Variants in NRXN1 observed in about 807,000 individuals in gnomAD.
NRXN1 encodes the protein neurexin-1.
In NRXN1, 39 loss-of-function variants were observed where a neutral mutation model predicts 150.9. The observed-to-expected ratio is 0.26, with a 90% CI of 0.20 to 0.34. The LOEUF is 0.34. NRXN1 is among the 10% of genes least tolerant of loss of function. The probability of loss-of-function intolerance (pLI) is 1.00; values close to 1 mark genes in which losing one functional copy is unlikely to be tolerated. For synonymous variants in NRXN1, 924 were observed against 757.0 expected (o/e 1.22, Z -3.62); for missense variants, 1,815 against 1,949.9 (o/e 0.93, Z 1.30).
At chr2:50,203,708 G>C (rs1276619563) in intron 18 of NRXN1, among the ~76,000 whole-genome samples, 1 of 152,102 alleles carries the variant, frequency 6.6e-6, no homozygotes, top group Non-Finnish European at 1.5e-5. Flanking sequence ...GAAAAGAGAA[G>C]ACATATGCCC....
intron 15 of NRXN1, among the ~76,000 whole-genome samples, chr2:50,479,187 A>G (rs1169634235): frequency 6.6e-6 from 1 of 152,222 alleles, no homozygotes; most frequent in Non-Finnish European, 1.5e-5. Context: ...GATTGAAATA[A>G]TATCTATCTT....
chr2:50,468,916 T>C (rs1330688642), intron 16 of NRXN1, among the ~76,000 whole-genome samples: 1 of 151,642 alleles, frequency 6.6e-6, no homozygotes, highest in Admixed American at 6.6e-5. Context: ...GTAGATATAA[T>C]GGAGCCTAGA....
chr2:49,963,907 C>T (rs1194938876), intron 21 of NRXN1, among the ~76,000 whole-genome samples: 1 of 152,150 alleles, frequency 6.6e-6, no homozygotes, highest in African/African-American at 2.4e-5. Flanking sequence ...CTGAATCGGT[C>T]ATATGTCCCA....
intron 2 of NRXN1, among the ~76,000 whole-genome samples, chr2:50,982,744 T>A (rs1697030750): frequency 6.6e-6 from 1 of 152,080 alleles, no homozygotes; most frequent in Non-Finnish European, 1.5e-5. Context: ...AAGAAATGTC[T>A]CAATAGTTTG....
chr2:51,026,144 G>A (rs1014936457), intron 2 of NRXN1, among the ~76,000 whole-genome samples: 4 of 152,178 alleles, frequency 2.6e-5, no homozygotes, highest in African/African-American at 9.7e-5. Flanking sequence ...CCTTAGCACT[G>A]TCAGCAAAAA....
chr2:50,700,517 T>G (rs1446693034), intron 5 of NRXN1, among the ~76,000 whole-genome samples: 1 of 152,212 alleles, frequency 6.6e-6, no homozygotes, highest in Non-Finnish European at 1.5e-5. Context: ...AAACCATCTA[T>G]TTGATGATAT....
At chr2:50,190,285 G>A (rs1574409055) in intron 18 of NRXN1, among the ~76,000 whole-genome samples, 1 of 152,008 alleles carries the variant, frequency 6.6e-6, no homozygotes, top group South Asian at 2.1e-4. Context: ...TTTTCTTAAA[G>A]TGGAGGTACA....
At chr2:50,045,969 T>C (rs944658018) in intron 21 of NRXN1, among the ~76,000 whole-genome samples, 6 of 152,202 alleles carry the variant, frequency 3.9e-5, no homozygotes, top group East Asian at 1.9e-4. Flanking sequence ...AAAATTAGTA[T>C]ATAATGAATT....
chr2:50,542,555 T>C (rs9789589), intron 9 of NRXN1, among the ~76,000 whole-genome samples: 45,672 of 152,062 alleles, frequency 0.3, 7,359 homozygotes, highest in East Asian at 0.51. Context: ...CTAATTCGTA[T>C]GAACTTGTAT....
intron 21 of NRXN1, among the ~76,000 whole-genome samples, chr2:50,003,483 C>G (rs1422346598): frequency 6.6e-6 from 1 of 151,948 alleles, no homozygotes; most frequent in African/African-American, 2.4e-5. Flanking sequence ...AATATTTATT[C>G]TCAATTCCTG....
At chr2:50,931,741 A>G (rs969557204) in intron 2 of NRXN1, among the ~76,000 whole-genome samples, 2 of 152,140 alleles carry the variant, frequency 1.3e-5, no homozygotes, top group African/African-American at 4.8e-5. Context: ...TTATGACTAA[A>G]TTAATTTCAA....
At chr2:50,686,997 CT>C (rs1467011449) in intron 5 of NRXN1, among the ~76,000 whole-genome samples, 2 of 152,170 alleles carry the variant, frequency 1.3e-5, no homozygotes, top group Non-Finnish European at 2.9e-5. Context: ...TATTCCTTTG[CT>C]GACTTATCAA....
chr2:49,999,632 C>T (rs1354726385), intron 21 of NRXN1, among the ~76,000 whole-genome samples: 1 of 152,088 alleles, frequency 6.6e-6, no homozygotes, highest in Non-Finnish European at 1.5e-5. Context: ...GTATAAATTT[C>T]AAATTAACTG....
At chr2:50,238,054 C>G (rs2065640547) in intron 17 of NRXN1, among the ~76,000 whole-genome samples, 1 of 152,070 alleles carries the variant, frequency 6.6e-6, no homozygotes, top group Non-Finnish European at 1.5e-5. Flanking sequence ...CCTCCTCAGC[C>G]ACACAGAACT....
chr2:50,416,765 AACTC>A (rs139471095), intron 17 of NRXN1, among the ~76,000 whole-genome samples: 3,352 of 152,092 alleles, frequency 0.022, 113 homozygotes, highest in African/African-American at 0.076. Flanking sequence ...ATCGTGTGAG[AACTC>A]ACTCACTATC....
chr2:50,447,737 TTATATATATATATATATA>T (rs70948710), intron 17 of NRXN1, among the ~76,000 whole-genome samples: 16 of 37,932 alleles, frequency 4.2e-4, no homozygotes, highest in East Asian at 2.1e-3. Context: ...CAGGGGAACG[TTATATATATATATATATA>T]TATATATATA....
chr2:50,506,407 G>C, intron 13 of NRXN1, 88 bp downstream of exon 13: 1 of 1,220,248 alleles, frequency 8.2e-7, no homozygotes, highest in Non-Finnish European at 1.1e-6. Flanking sequence ...TTCAAGTTGT[G>C]TACCAGCCTT....
intron 21 of NRXN1, among the ~76,000 whole-genome samples, chr2:49,972,514 T>C (rs1444408178): frequency 6.6e-6 from 1 of 152,206 alleles, no homozygotes; most frequent in Non-Finnish European, 1.5e-5. Flanking sequence ...GCTTGAATCA[T>C]CCAAAGTCTA....
intron 18 of NRXN1, among the ~76,000 whole-genome samples, chr2:50,235,442 T>A (rs1301577220): frequency 6.6e-6 from 1 of 152,116 alleles, no homozygotes; most frequent in East Asian, 1.9e-4. Flanking sequence ...GGGGTTTTGT[T>A]GTGTTTTTCA....
Sources: allele counts gnomAD v4.1 joint callset (sites outside exome capture counted in the v4.1 genomes callset), GRCh38; gene constraint gnomAD v4.1.1; transcripts MANE v1.5; gene names NCBI Gene and HGNC (gene_info 2026-07-23, HGNC 2026-07-21).